Variants in CCDC73 observed in about 807,000 individuals in gnomAD.
CCDC73 encodes the protein coiled-coil domain containing 73.
CCDC73 carries 95 observed loss-of-function variants against 116.5 expected under a neutral mutation model. The observed-to-expected ratio is 0.82, with a 90% confidence interval of 0.69 to 0.97. The LOEUF (loss-of-function observed/expected upper bound fraction) is 0.97, where lower values mean the gene tolerates loss of function less well. Among genes scored for constraint, CCDC73 ranks in the 50% least tolerant of loss-of-function variants. The probability of loss-of-function intolerance (pLI) is 0.00; values close to 1 mark genes in which losing one functional copy is unlikely to be tolerated. For synonymous variants in CCDC73, 398 were observed against 401.3 expected (o/e 0.99, Z 0.10); for missense variants, 1,066 against 1,206.8 (o/e 0.88, Z 1.73).
chr11:32,753,654 T>C (rs1850307564), intron 2 of CCDC73, among the ~76,000 whole-genome samples: 1 of 152,054 alleles, frequency 6.6e-6, no homozygotes, highest in Non-Finnish European at 1.5e-5. Context: ...TTAATAGAGA[T>C]GGGGCTTCAC....
intron 1 of CCDC73, among the ~76,000 whole-genome samples, chr11:32,772,176 T>C (rs964422446): frequency 6.6e-6 from 1 of 152,208 alleles, no homozygotes; most frequent in African/African-American, 2.4e-5. Flanking sequence ...AGCCACAGAT[T>C]CAATATTTTT....
chr11:32,713,448 C>A (rs1442447338), intron 3 of CCDC73, among the ~76,000 whole-genome samples: 2 of 152,002 alleles, frequency 1.3e-5, no homozygotes, highest in African/African-American at 4.8e-5. Context: ...TCTAATGCTT[C>A]CTTAGGGGAT....
intron 1 of CCDC73, among the ~76,000 whole-genome samples, chr11:32,764,212 TC>T (rs1170593178): frequency 4.6e-5 from 7 of 152,028 alleles, no homozygotes; most frequent in Non-Finnish European, 1.0e-4. Flanking sequence ...CAGGAGAACT[TC>T]CCCAACCTAC....
At chr11:32,671,117 A>G (rs1192534667) in intron 9 of CCDC73, among the ~76,000 whole-genome samples, 1 of 152,164 alleles carries the variant, frequency 6.6e-6, no homozygotes, top group Non-Finnish European at 1.5e-5. Context: ...ATAAACAGCA[A>G]TGCTTTGATC....
intron 6 of CCDC73, among the ~76,000 whole-genome samples, chr11:32,692,165 T>C (rs1257880121): frequency 1.3e-5 from 2 of 152,146 alleles, no homozygotes; most frequent in Non-Finnish European, 2.9e-5. Flanking sequence ...CTGTGATCCA[T>C]TTTGAGTTAA....
intron 2 of CCDC73, among the ~76,000 whole-genome samples, chr11:32,746,258 C>T (rs1850238176): frequency 6.6e-6 from 1 of 152,232 alleles, no homozygotes; most frequent in Non-Finnish European, 1.5e-5. Flanking sequence ...TTTGCCCCCA[C>T]TCTCTTCTGG....
intron 3 of CCDC73, among the ~76,000 whole-genome samples, chr11:32,714,936 T>C (rs929715151): frequency 2.2e-4 from 34 of 152,190 alleles, no homozygotes; most frequent in African/African-American, 7.0e-4. Flanking sequence ...ATGTAAGTAC[T>C]GTCCATGGCT....
At chr11:32,794,159 CA>C (rs1357555896) in intron 1 of CCDC73, among the ~76,000 whole-genome samples, 1 of 152,228 alleles carries the variant, frequency 6.6e-6, no homozygotes, top group East Asian at 1.9e-4. Context: ...CGAGATTCAC[CA>C]ATAACAGTTC....
chr11:32,661,698 T>C (rs1855928798), intron 9 of CCDC73, among the ~76,000 whole-genome samples: 1 of 151,298 alleles, frequency 6.6e-6, no homozygotes, highest in Non-Finnish European at 1.5e-5. Flanking sequence ...TTTATTATTA[T>C]TATACTTTAA....
At chr11:32,631,038 C>A (rs1002738927) in intron 14 of CCDC73, among the ~76,000 whole-genome samples, 2 of 152,082 alleles carry the variant, frequency 1.3e-5, no homozygotes, top group African/African-American at 4.8e-5. Flanking sequence ...TGTGTCATAA[C>A]AATCATAAAT....
rs543121269 is a variant in CCDC73, at chr11:32,739,207, AT to A, written c.135+20901del. The stretch of plus-strand genomic sequence containing the variant: ...TTCGTGGTTCCATATAAATTTTAGA[AT>A]TTTTTTTTCTATTTCTCTGAAGAAT... On this transcript the variant is annotated intron_variant, in intron 2 of 17. Coordinates refer to ENST00000335185, the MANE Select transcript of CCDC73 (RefSeq NM_001008391.4). Among the ~76,000 whole-genome samples, 526 of 151,150 alleles carry A rather than the reference AT, an allele frequency of 3.5e-3. 10 individuals carry two copies. Among genetic ancestry groups the A allele is most frequent in the Admixed American group, 0.031 (467 of 15,152 alleles).
chr11:32,768,397 A>T (rs1850462631), intron 1 of CCDC73, among the ~76,000 whole-genome samples: 1 of 152,326 alleles, frequency 6.6e-6, no homozygotes, highest in South Asian at 2.1e-4. Flanking sequence ...GGTGCAGCAC[A>T]CCAGCATGGT....
At chr11:32,610,915 C>T (rs1159670321) in intron 17 of CCDC73, among the ~76,000 whole-genome samples, 1 of 152,158 alleles carries the variant, frequency 6.6e-6, no homozygotes, top group Non-Finnish European at 1.5e-5. Context: ...ACTCTCCTTC[C>T]CCAAACAGGC....
the CCDC73 span, among the ~76,000 whole-genome samples, chr11:32,810,650 C>T: frequency 7.9e-5 from 12 of 152,208 alleles, no homozygotes; most frequent in African/African-American, 1.9e-4. Flanking sequence ...AAATATGTAA[C>T]GTTTCTCAAT....
At chr11:32,619,671 G>T (rs954233212) in intron 14 of CCDC73, among the ~76,000 whole-genome samples, 6 of 151,570 alleles carry the variant, frequency 4.0e-5, no homozygotes, top group Non-Finnish European at 7.4e-5. Flanking sequence ...AGACCCTGTT[G>T]AAGAAAGAAG....
chr11:32,645,590 A>G (rs1855771690), intron 12 of CCDC73, among the ~76,000 whole-genome samples: 1 of 151,194 alleles, frequency 6.6e-6, no homozygotes, highest in Admixed American at 6.6e-5. Flanking sequence ...CGCCTGGCCA[A>G]CTTTTTTTTT....
At chr11:32,679,373 AT>A (rs1590589820) in intron 7 of CCDC73, among the ~76,000 whole-genome samples, 1 of 148,800 alleles carries the variant, frequency 6.7e-6, no homozygotes, top group South Asian at 2.1e-4. Flanking sequence ...TTTTTTATTT[AT>A]TTTTTTGGAG....
chr11:32,815,547 C>A, the CCDC73 span, among the ~76,000 whole-genome samples: 1 of 152,164 alleles, frequency 6.6e-6, no homozygotes, highest in African/African-American at 2.4e-5. Context: ...AACCATAATA[C>A]TTTTGGTAAT....
chr11:32,734,972 T>C (rs1217117898), intron 2 of CCDC73, among the ~76,000 whole-genome samples: 2 of 152,126 alleles, frequency 1.3e-5, no homozygotes, highest in South Asian at 2.1e-4. Flanking sequence ...TTCAACAGCC[T>C]TTCATGCTAA....
Sources: allele counts gnomAD v4.1 joint callset (sites outside exome capture counted in the v4.1 genomes callset), GRCh38; gene constraint gnomAD v4.1.1; transcripts MANE v1.5; gene names NCBI Gene and HGNC (gene_info 2026-07-23, HGNC 2026-07-21).